Variants in CD44 observed in about 807,000 individuals in gnomAD.
The protein encoded by CD44 is CD44 molecule (IN blood group), also known as CD44 antigen.
In CD44, 49 loss-of-function variants were observed where a neutral mutation model predicts 88.8. That is an observed-to-expected ratio of 0.55 (90% CI 0.44 to 0.70). The LOEUF is 0.70. Among genes scored for constraint, CD44 ranks in the 30% least tolerant of loss-of-function variants. The pLI is 0.00. For synonymous variants in CD44, 325 were observed against 312.3 expected, an observed-to-expected ratio of 1.04 and a Z score of -0.43; for missense variants, 883 against 913.8, an observed-to-expected ratio of 0.97 and a Z score of 0.43.
intron 1 of CD44, among the ~76,000 whole-genome samples, chr11:35,157,849 G>A (rs899204922): frequency 6.6e-6 from 1 of 152,206 alleles, no homozygotes; most frequent in Non-Finnish European, 1.5e-5. Context: ...CAAGGGCTGG[G>A]GAAGCAAGAC....
rs377042081 is a variant in CD44 at position 35,181,534 on chromosome 11, A to G, written c.367+1127A>G. Among the ~76,000 whole-genome samples the G allele has an allele frequency of 9.2e-5, 14 of 151,522 alleles. No individual in the cohort carries two copies. In the East Asian group the frequency reaches 2.7e-3, roughly 29 times the overall value. On this transcript the variant is annotated intron_variant, in intron 3 of 17. Coordinates refer to ENST00000428726, the MANE Select transcript of CD44 (RefSeq NM_000610.4). The stretch of plus-strand genomic sequence containing the variant: ...GGTTTGAAGTTGGGTGAAGGGAAAG[A>G]TGAAGCCTTGAGGTAAACTTGGTAC...
In CD44 at chr11:35,209,922, C is replaced by A. The variant is rs144688157; in HGVS notation, c.1517-43C>A. 82 of 1,310,000 alleles carry A rather than the reference C, an allele frequency of 6.3e-5. No individual in the cohort carries two copies. In the East Asian group the frequency reaches 8.8e-4, roughly 14 times the overall value. The allele number at this position is 1,310,000 out of a possible 1,614,324, so 81.1% of individuals were successfully genotyped here. A position where few individuals can be genotyped will look rare whatever the true frequency, so the allele number is the denominator to read the frequency against. ...TGCTAGCAGATAACAGGATTTGTAC[C>A]GTAGCTTCAAATTAACACTGGATTC... On this transcript the variant is annotated intron_variant, in intron 12 of 17. Transcript: ENST00000428726.
chr11:35,170,189 G>A (rs903043880), intron 1 of CD44, among the ~76,000 whole-genome samples: 3 of 152,206 alleles, frequency 2.0e-5, no homozygotes, highest in African/African-American at 7.2e-5. Flanking sequence ...GAGAGTCAGA[G>A]AGGTTAAGTA....
chr11:35,197,569 G>A (rs1946878381), intron 6 of CD44: 1 of 152,600 alleles, frequency 6.6e-6, no homozygotes, highest in Non-Finnish European at 1.5e-5. Context: ...AAGTAGTATT[G>A]GGAACTGCAG....
At chr11:35,162,933 C>G (rs150011208) in intron 1 of CD44, among the ~76,000 whole-genome samples, 2 of 152,182 alleles carry the variant, frequency 1.3e-5, no homozygotes, top group East Asian at 3.9e-4. Flanking sequence ...TTCGCTTTAG[C>G]ATCTGATAGA....
At chr11:35,221,049 G>A (rs774826841) in intron 16 of CD44, among the ~76,000 whole-genome samples, 7 of 152,098 alleles carry the variant, frequency 4.6e-5, no homozygotes, top group Non-Finnish European at 7.4e-5. Context: ...GTGAGCCACC[G>A]CACCCGGCCT....
intron 1 of CD44, among the ~76,000 whole-genome samples, chr11:35,157,348 T>TATC (rs1376480309): frequency 1.6e-4 from 24 of 152,160 alleles, no homozygotes; most frequent in Non-Finnish European, 2.1e-4. Context: ...TCTATCTATC[T>TATC]ATCTATCTAT....
chr11:35,202,675 G>A (rs148133247), intron 9 of CD44, among the ~76,000 whole-genome samples: 65 of 152,278 alleles, frequency 4.3e-4, no homozygotes, highest in African/African-American at 1.4e-3. Context: ...ATGGCTTGAG[G>A]GGTGCCTTCA....
At chr11:35,211,673 C>A (rs1322021254) in intron 14 of CD44, among the ~76,000 whole-genome samples, 2 of 77,130 alleles carry the variant, frequency 2.6e-5, no homozygotes, top group East Asian at 1.4e-3. Context: ...TCTGTGTTTG[C>A]ATGTGTGTGT....
chr11:35,227,376 G>C (rs1435935412), intron 17 of CD44, among the ~76,000 whole-genome samples: 1 of 152,154 alleles, frequency 6.6e-6, no homozygotes, highest in Non-Finnish European at 1.5e-5. Flanking sequence ...AATACAGACT[G>C]GGTTTTACCA....
rs533521865 is a variant in CD44, at chr11:35,178,930, A to G, written c.234-1344A>G. On this transcript the variant is annotated intron_variant, in intron 2 of 17. Coordinates refer to ENST00000428726, the MANE Select transcript of CD44 (RefSeq NM_000610.4). ...AGCTTTCTGCCACAGGACAGATGGCAGAGTCTCATGGGTTAGGATAAAACC... is the reference window on the plus strand; with the variant it reads ...AGCTTTCTGCCACAGGACAGATGGCGGAGTCTCATGGGTTAGGATAAAACC... 2.1e-3 allele frequency among the ~76,000 whole-genome samples: 313 copies of G among 152,348 alleles called. 2 individuals carry two copies. Among genetic ancestry groups the G allele is most frequent in the African/African-American group, 7.1e-3 (296 of 41,570 alleles).
chr11:35,206,069 G>A lies in CD44; in HGVS notation c.1283-43G>A, dbSNP rs780969613. The A allele has an allele frequency of 5.2e-5, 82 of 1,562,760 alleles. 1 individual carries two copies. The highest frequency in any genetic ancestry group is 1.0e-4 in the Admixed American group (5 of 49,618). On this transcript the variant is annotated intron_variant, in intron 10 of 17. Coordinates refer to ENST00000428726, the MANE Select transcript of CD44 (RefSeq NM_000610.4). Reference sequence around the variant, plus strand: ...AAAATCGGTGTATCCCTGACCAAGCGTCCATTAACACTTTGACAATTGCTC... The same window carrying A: ...AAAATCGGTGTATCCCTGACCAAGCATCCATTAACACTTTGACAATTGCTC...
intron 3 of CD44, among the ~76,000 whole-genome samples, chr11:35,181,137 A>C (rs1052179211): frequency 6.6e-6 from 1 of 152,186 alleles, no homozygotes; most frequent in African/African-American, 2.4e-5. Context: ...TGTAAGTCAA[A>C]TGTCTTAGCT....
chr11:35,219,695 A>G (rs941716828), intron 16 of CD44, among the ~76,000 whole-genome samples: 1 of 152,228 alleles, frequency 6.6e-6, no homozygotes, highest in African/African-American at 2.4e-5. Flanking sequence ...ATGATCACCA[A>G]GAGGACCCCA....
At position 35,211,339 on chromosome 11, in the gene CD44, C is replaced by T. The variant is rs558853302; in HGVS notation, c.1700C>T (p.Thr567Met). The change falls in exon 14 of 18, where the codon ACG (threonine) becomes ATG (methionine). Residue 567 changes from threonine (T) to methionine (M), a missense_variant. Around this residue, in one of 2 missense-constraint regions of CD44, gnomAD observed 631 missense variants for 590.9 expected, o/e 1.07. Coordinates refer to ENST00000428726, the MANE Select transcript of CD44 (RefSeq NM_000610.4). ...GGTTATACCTCTCATTACCCACACA[C>T]GAAGGAAAGCAGGACCTTCATCCCA... Reference protein sequence around the residue: ...LEGYTSHYPHTKESRTFIPVT... With the variant: ...LEGYTSHYPHMKESRTFIPVT... 3.1e-5 allele frequency: 50 copies of T among 1,613,868 alleles called. No individual in the cohort carries two copies. The highest frequency in any genetic ancestry group is 4.0e-5 in the Non-Finnish European group (47 of 1,179,780).
At chr11:35,226,851 TC>T (rs1949719249) in intron 17 of CD44, among the ~76,000 whole-genome samples, 1 of 150,966 alleles carries the variant, frequency 6.6e-6, no homozygotes, top group African/African-American at 2.4e-5. Context: ...AACCAGGCCT[TC>T]CGAGCCCCTT....
chr11:35,217,287 C>A (rs1396681812), intron 15 of CD44, among the ~76,000 whole-genome samples: 1 of 135,310 alleles, frequency 7.4e-6, no homozygotes, highest in African/African-American at 2.8e-5. Flanking sequence ...TTTTTTAAAT[C>A]AAAATAAAGT....
At chr11:35,213,451 G>A (rs2134232221) in intron 14 of CD44, among the ~76,000 whole-genome samples, 1 of 152,304 alleles carries the variant, frequency 6.6e-6, no homozygotes, top group African/African-American at 2.4e-5. Context: ...AGGAGTCTGA[G>A]ACCAGCCTGG....
At chr11:35,168,010 G>A (rs1943489032) in intron 1 of CD44, among the ~76,000 whole-genome samples, 1 of 152,208 alleles carries the variant, frequency 6.6e-6, no homozygotes, top group African/African-American at 2.4e-5. Flanking sequence ...AGCCAGTCAA[G>A]GTCAAGACTT....
Sources: gnomAD v4.1 joint callset for allele counts (sites outside exome capture counted in the v4.1 genomes callset) on GRCh38, gnomAD v4.1.1 for gene constraint, gnomAD v4.1.1 regional missense constraint, MANE v1.5 for transcripts, NCBI Gene and HGNC (gene_info 2026-07-23, HGNC 2026-07-21) for gene names.